The following PTPRQ variants were observed in gnomAD, a reference collection of about 807,000 sequenced individuals.
The protein encoded by PTPRQ is phosphatidylinositol phosphatase PTPRQ.
In PTPRQ, 199 loss-of-function variants were observed where a neutral mutation model predicts 246.0. The observed-to-expected ratio is 0.81, with a 90% CI of 0.72 to 0.91. PTPRQ has a LOEUF of 0.91. Among genes scored for constraint, PTPRQ ranks in the 40% least tolerant of loss-of-function variants. The pLI is 0.00. For missense variants in PTPRQ, 2,624 were observed against 2,528.4 expected (o/e 1.04, Z -0.81); for synonymous variants, 869 against 853.2 (o/e 1.02, Z -0.32).
intron 33 of PTPRQ, among the ~76,000 whole-genome samples, chr12:80,624,692 C>T (rs142157429): frequency 3.2e-4 from 49 of 152,258 alleles, no homozygotes; most frequent in African/African-American, 1.2e-3. Context: ...TATTGAGTGT[C>T]GTGGTTCTAT....
At position 80,495,155 on chromosome 12, in the gene PTPRQ, CT is replaced by C. The variant is rs573558033; in HGVS notation, c.1703-29del. 2.3e-4 allele frequency: 349 copies of C among 1,547,464 alleles called. No homozygotes were observed. In the African/African-American group the frequency reaches 3.7e-3, roughly 16 times the overall value. ...AATATTGCTGTTGTACACTGTGATA[CT>C]TTTTTTTCATTCATATGTTCATTCT... On this transcript the variant is annotated intron_variant, in intron 11 of 44. Transcript: ENST00000644991.
chr12:80,586,766 A>T (rs1460785939), intron 25 of PTPRQ: 1 of 152,212 alleles, frequency 6.6e-6, no homozygotes, highest in East Asian at 1.9e-4. Flanking sequence ...CAGCTGGAAA[A>T]TATACAAAAC....
intron 25 of PTPRQ, among the ~76,000 whole-genome samples, chr12:80,573,783 T>C (rs1332183450): frequency 6.6e-6 from 1 of 152,174 alleles, no homozygotes; most frequent in Non-Finnish European, 1.5e-5. Context: ...TATAAATTTT[T>C]CCAAATAACC....
intron 42 of PTPRQ, 64 bp downstream of exon 42, chr12:80,670,556 G>A (rs566438117): frequency 7.1e-7 from 1 of 1,401,724 alleles, no homozygotes; most frequent in Non-Finnish European, 9.3e-7. Context: ...AATTCCATTG[G>A]TTATTTTTTA....
intron 25 of PTPRQ, among the ~76,000 whole-genome samples, chr12:80,574,827 G>A (rs994353348): frequency 1.3e-5 from 2 of 152,094 alleles, no homozygotes; most frequent in African/African-American, 2.4e-5. Context: ...TTTTTCAGCT[G>A]TCTTTCTACT....
chr12:80,488,598 T>C (rs1894353002), intron 9 of PTPRQ, among the ~76,000 whole-genome samples: 2 of 152,036 alleles, frequency 1.3e-5, no homozygotes, highest in African/African-American at 4.8e-5. Context: ...GTTTAAAGTG[T>C]TGCTTCTGGG....
chr12:80,578,634 C>A (rs1483208702), intron 25 of PTPRQ, among the ~76,000 whole-genome samples: 1 of 152,026 alleles, frequency 6.6e-6, no homozygotes, highest in Non-Finnish European at 1.5e-5. Flanking sequence ...ACCTCGTGAT[C>A]CGCCCGCCTT....
At chr12:80,486,556 C>T (rs1028271037) in intron 9 of PTPRQ, among the ~76,000 whole-genome samples, 19 of 152,062 alleles carry the variant, frequency 1.2e-4, no homozygotes, top group African/African-American at 4.6e-4. Flanking sequence ...AGACTTGGTG[C>T]CTTCATTTAT....
intron 44 of PTPRQ, 120 bp downstream of exon 44, chr12:80,678,845 G>T (rs1901227742): frequency 2.8e-6 from 4 of 1,430,438 alleles, no homozygotes; most frequent in African/African-American, 1.5e-5. Flanking sequence ...CACAGATCAG[G>T]TTTTTTTTCT....
chr12:80,560,352 T>C (rs542373499), intron 25 of PTPRQ, among the ~76,000 whole-genome samples: 3 of 152,372 alleles, frequency 2.0e-5, no homozygotes, highest in East Asian at 3.9e-4. Flanking sequence ...GTTTCTAGTT[T>C]GTTTAAATTC....
chr12:80,481,586 T>TC (rs969719741), intron 8 of PTPRQ, among the ~76,000 whole-genome samples: 1 of 152,080 alleles, frequency 6.6e-6, no homozygotes, highest in Non-Finnish European at 1.5e-5. Flanking sequence ...AGTCAAATTG[T>TC]CCCTGCTTGC....
chr12:80,650,614 A>T (rs560998725), intron 37 of PTPRQ, among the ~76,000 whole-genome samples: 1 of 152,184 alleles, frequency 6.6e-6, no homozygotes, highest in Admixed American at 6.6e-5. Context: ...ATGAGAGAAG[A>T]TTAATGGTAT....
chr12:80,587,416 C>T (rs1897655952), intron 25 of PTPRQ, among the ~76,000 whole-genome samples: 5 of 152,048 alleles, frequency 3.3e-5, no homozygotes, highest in African/African-American at 4.8e-5. Context: ...TTATTTCTAA[C>T]CATAACATGT....
intron 8 of PTPRQ, among the ~76,000 whole-genome samples, chr12:80,473,648 C>CAAAAATAGGGAA (rs1893725088): frequency 6.6e-6 from 1 of 152,138 alleles, no homozygotes; most frequent in African/African-American, 2.4e-5. Context: ...CAGCATGTGA[C>CAAAAATAGGGAA]AAAAATAGGG....
At chr12:80,497,764 A>G (rs1316668395) in intron 14 of PTPRQ, among the ~76,000 whole-genome samples, 1 of 152,142 alleles carries the variant, frequency 6.6e-6, no homozygotes, top group Non-Finnish European at 1.5e-5. Flanking sequence ...ACTAAATATA[A>G]AGTTACTATT....
At chr12:80,530,636 C>T (rs1000895591) in intron 17 of PTPRQ, among the ~76,000 whole-genome samples, 3 of 151,982 alleles carry the variant, frequency 2.0e-5, no homozygotes, top group Non-Finnish European at 4.4e-5. Context: ...AAATGACGAA[C>T]AAACATGTAA....
intron 27 of PTPRQ, among the ~76,000 whole-genome samples, chr12:80,609,459 T>G (rs961451276): frequency 6.6e-6 from 1 of 150,646 alleles, no homozygotes; most frequent in African/African-American, 2.4e-5. Flanking sequence ...TTAAGATACC[T>G]GAAAGTAGTA....
intron 32 of PTPRQ, among the ~76,000 whole-genome samples, chr12:80,620,926 T>C (rs1352328035): frequency 2.0e-5 from 3 of 151,898 alleles, no homozygotes; most frequent in Admixed American, 1.3e-4. Flanking sequence ...ATTTGATATT[T>C]TGGCTGTATT....
At chr12:80,552,530 C>T (rs1187017738) in intron 25 of PTPRQ, among the ~76,000 whole-genome samples, 1 of 150,322 alleles carries the variant, frequency 6.7e-6, no homozygotes, top group Non-Finnish European at 1.5e-5. Flanking sequence ...AGCTTAGACA[C>T]AGGAATGAAG....
Sources: allele counts gnomAD v4.1 joint callset (sites outside exome capture counted in the v4.1 genomes callset), GRCh38; gene constraint gnomAD v4.1.1; transcripts MANE v1.5; gene names NCBI Gene and HGNC (gene_info 2026-07-23, HGNC 2026-07-21).